The following ACCSL variants were observed in gnomAD, a reference collection of about 807,000 sequenced individuals.
ACCSL encodes probable inactive 1-aminocyclopropane-1-carboxylate synthase-like protein 2.
ACCSL carries 55 observed loss-of-function variants against 61.7 expected under a neutral mutation model. That is an observed-to-expected ratio of 0.89 (90% CI 0.72 to 1.12). ACCSL has a LOEUF of 1.12. ACCSL is among the 50% of genes most tolerant of loss of function. The pLI, the probability that ACCSL is intolerant of heterozygous loss-of-function variation, is 0.00. For synonymous variants in ACCSL, 258 were observed against 264.3 expected, an observed-to-expected ratio of 0.98 and a Z score of 0.23; for missense variants, 632 against 698.0, an observed-to-expected ratio of 0.91 and a Z score of 1.07.
At chr11:43,984,271 T>C in the ACCSL span, among the ~76,000 whole-genome samples, 1 of 152,196 alleles carries the variant, frequency 6.6e-6, no homozygotes, top group Admixed American at 6.5e-5. Flanking sequence ...TTCATTATCT[T>C]CAGAATCACC....
At chr11:44,033,709 A>G in the ACCSL span, among the ~76,000 whole-genome samples, 2 of 152,156 alleles carry the variant, frequency 1.3e-5, no homozygotes, top group African/African-American at 4.8e-5. Flanking sequence ...AGGGGGAGAA[A>G]TGGGTCACTG....
the ACCSL span, chr11:43,947,006 A>T: frequency 6.6e-6 from 1 of 152,218 alleles, no homozygotes; most frequent in African/African-American, 2.4e-5. Flanking sequence ...ATAAGGGAAT[A>T]TCTGAGCTAG....
chr11:44,005,719 G>T, the ACCSL span, among the ~76,000 whole-genome samples: 2 of 151,810 alleles, frequency 1.3e-5, no homozygotes, highest in African/African-American at 4.8e-5. Context: ...CTCCTCCCCC[G>T]CCCTCTACCC....
chr11:44,041,358 C>T, the ACCSL span, among the ~76,000 whole-genome samples: 1 of 152,208 alleles, frequency 6.6e-6, no homozygotes. Context: ...CACTTTTTAG[C>T]TAAGTGACCA....
chr11:43,977,924 C>G, the ACCSL span, among the ~76,000 whole-genome samples: 1 of 152,022 alleles, frequency 6.6e-6, no homozygotes, highest in South Asian at 2.1e-4. Flanking sequence ...AATATGCTTC[C>G]TACTTAATGG....
chr11:44,029,123 A>AT, the ACCSL span, among the ~76,000 whole-genome samples: 1 of 152,228 alleles, frequency 6.6e-6, no homozygotes, highest in Non-Finnish European at 1.5e-5. Flanking sequence ...CCACACTGTA[A>AT]TCAGAGGGAT....
the ACCSL span, among the ~76,000 whole-genome samples, chr11:43,988,654 A>G: frequency 6.6e-6 from 1 of 152,024 alleles, no homozygotes; most frequent in South Asian, 2.1e-4. Context: ...GGGGTCTGTC[A>G]GGGTCTGTCA....
chr11:44,000,663 C>A, the ACCSL span, among the ~76,000 whole-genome samples: 2 of 143,870 alleles, frequency 1.4e-5, no homozygotes, highest in African/African-American at 5.2e-5. Context: ...TGCAGTGTGG[C>A]AGTGTGCTGA....
the ACCSL span, among the ~76,000 whole-genome samples, chr11:43,979,467 A>G: frequency 6.6e-6 from 1 of 152,218 alleles, no homozygotes; most frequent in Non-Finnish European, 1.5e-5. Context: ...TACTACAAGG[A>G]AAAGAAGCCA....
intron 11 of ACCSL, among the ~76,000 whole-genome samples, chr11:44,056,919 C>T (rs773676231): frequency 7.2e-5 from 11 of 152,190 alleles, no homozygotes; most frequent in Non-Finnish European, 1.2e-4. Context: ...GATGGCTAAT[C>T]GTACTCTAAG....
At chr11:43,968,863 A>G in the ACCSL span, among the ~76,000 whole-genome samples, 1 of 152,084 alleles carries the variant, frequency 6.6e-6, no homozygotes, top group Non-Finnish European at 1.5e-5. Context: ...GCTCTGGGAA[A>G]TGACTCCTGT....
At position 44,048,073 on chromosome 11, in the gene ACCSL, G is replaced by A; in HGVS notation, c.37G>A (p.Gly13Ser). 6.2e-7 allele frequency: 1 copy of A among 1,614,040 alleles called. No individual in the cohort carries two copies. The highest frequency in any genetic ancestry group is 8.5e-7 in the Non-Finnish European group (1 of 1,179,930). Residue 13 changes from glycine (G) to serine (S), a missense_variant, in exon 1 of 14, where the codon GGT (glycine) becomes AGT (serine). Coordinates refer to ENST00000378832, the MANE Select transcript of ACCSL (RefSeq NM_001031854.2). ...GTCAGACACCCTTCCTGTGCCCTCTGGTCAGAGGAGAGGCCGGGTCCCCAG... is the reference window on the plus strand; with the variant it reads ...GTCAGACACCCTTCCTGTGCCCTCTAGTCAGAGGAGAGGCCGGGTCCCCAG... ...HRSDTLPVPSGQRRGRVPRDH... is the reference protein window; with the variant it reads ...HRSDTLPVPSSQRRGRVPRDH...
chr11:43,954,721 A>AT, the ACCSL span, among the ~76,000 whole-genome samples: 1 of 151,826 alleles, frequency 6.6e-6, no homozygotes, highest in Non-Finnish European at 1.5e-5. Context: ...AGTAGCTAGG[A>AT]TTACAGGCAT....
chr11:44,018,562 G>A, the ACCSL span, among the ~76,000 whole-genome samples: 1 of 152,216 alleles, frequency 6.6e-6, no homozygotes, highest in Non-Finnish European at 1.5e-5. Context: ...CTGGTGGAGG[G>A]CAACAGCACC....
the ACCSL span, among the ~76,000 whole-genome samples, chr11:44,025,316 C>A: frequency 6.6e-6 from 1 of 151,882 alleles, no homozygotes; most frequent in African/African-American, 2.4e-5. Flanking sequence ...TCTTGTTTCA[C>A]TTTTTTTAAA....
chr11:44,004,348 C>T, the ACCSL span, among the ~76,000 whole-genome samples: 6 of 152,126 alleles, frequency 3.9e-5, no homozygotes, highest in East Asian at 5.8e-4. Context: ...CCCCGCATAC[C>T]GCCCTGGGGG....
At chr11:43,952,114 TC>T in the ACCSL span, among the ~76,000 whole-genome samples, 2 of 152,094 alleles carry the variant, frequency 1.3e-5, no homozygotes, top group Non-Finnish European at 1.5e-5. Context: ...TGTGCAGGTT[TC>T]TTACGTGGGT....
the ACCSL span, among the ~76,000 whole-genome samples, chr11:44,017,620 T>A: frequency 3.3e-5 from 5 of 152,254 alleles, no homozygotes; most frequent in African/African-American, 1.2e-4. Context: ...CAGCCAGACA[T>A]CAGGTTCAGA....
chr11:44,057,220 G>C (rs1241459898), intron 11 of ACCSL, among the ~76,000 whole-genome samples: 1 of 152,210 alleles, frequency 6.6e-6, no homozygotes, highest in Non-Finnish European at 1.5e-5. Context: ...CCCAAGCTTA[G>C]AGACTCACTT....
Sources: allele counts gnomAD v4.1 joint callset (sites outside exome capture counted in the v4.1 genomes callset), GRCh38; gene constraint gnomAD v4.1.1; transcripts MANE v1.5; gene names NCBI Gene and HGNC (gene_info 2026-07-23, HGNC 2026-07-21).